The following FAM217B variants were observed in gnomAD, a reference collection of about 807,000 sequenced individuals.
The protein encoded by FAM217B is protein FAM217B.
For missense variants in FAM217B, 463 were observed against 456.9 expected (o/e 1.01, Z -0.12); for synonymous variants, 163 against 173.0 (o/e 0.94, Z 0.45).
upstream of FAM217B, chr20:59,939,608 G>A (rs1325072708): frequency 1.3e-6 from 2 of 1,594,790 alleles, no homozygotes; most frequent in South Asian, 2.3e-5. Context: ...CCAAGCCCAG[G>A]GCGTCGGCGA....
rs2060930071 is a variant in FAM217B, at chr20:59,945,130, TA to T, written c.*36del. On this transcript the variant is annotated 3_prime_UTR_variant, in exon 4 of 4. Coordinates refer to ENST00000360816, the MANE Select transcript of FAM217B (RefSeq NM_022106.3). ...ATGCTGAATTGCCAAGACCTGCAGG[TA>T]CCTCAATGTTAGAGCGCTTCCAAAA... is the stretch of plus-strand genomic sequence containing the variant. 1 of 1,317,434 alleles carries T rather than the reference TA, an allele frequency of 7.6e-7. No individual in the cohort carries two copies. The highest frequency in any genetic ancestry group is 1.0e-6 in the Non-Finnish European group (1 of 962,510). 81.6% of individuals were successfully genotyped at this position (1,317,434 alleles called of 1,614,324 possible). A position where few individuals can be genotyped will look rare whatever the true frequency, so the allele number is the denominator to read the frequency against.
In FAM217B at chr20:59,947,565, T is replaced by C. The variant is rs2060944229; in HGVS notation, c.*2470T>C. 6.0e-6 allele frequency: 1 copy of C among 167,080 alleles called. No individual in the cohort carries two copies. Among genetic ancestry groups the C allele is most frequent in the Admixed American group, 6.5e-5 (1 of 15,290 alleles). The allele number at this position is 167,080 out of a possible 1,614,324, so 10.3% of individuals were successfully genotyped here. A position where few individuals can be genotyped will look rare whatever the true frequency, so the allele number is the denominator to read the frequency against. ...CGCCTCATAATATTTGTTCCCAGCT[T>C]TTTAAATTGAAGCTGGTTGCATAAT... On this transcript the variant is annotated 3_prime_UTR_variant, in exon 4 of 4. Coordinates refer to ENST00000360816, the MANE Select transcript of FAM217B (RefSeq NM_022106.3).
At chr20:59,938,933 G>T, upstream of FAM217B, 1 of 1,207,216 alleles carries the variant, frequency 8.3e-7, no homozygotes, top group Non-Finnish European at 1.1e-6. Flanking sequence ...GACTTGGAGG[G>T]TGGTGAAGAA....
At position 59,942,525 on chromosome 20, in the gene FAM217B, A is replaced by C. The variant is rs2060911253; in HGVS notation, c.-5+13A>C. 1 of 152,218 alleles carries C rather than the reference A, an allele frequency of 6.6e-6. No homozygotes were observed. Among genetic ancestry groups the C allele is most frequent in the Non-Finnish European group, 1.5e-5 (1 of 68,030 alleles). The allele number at this position is 152,218 out of a possible 1,614,324, so 9.4% of individuals were successfully genotyped here. On this transcript the variant is annotated intron_variant, in intron 3 of 3. Transcript: ENST00000360816. The stretch of plus-strand genomic sequence containing the variant: ...ATCAGAAAAGCAGGTAAATAGTTTT[A>C]GTATAATTGCTTTATCTTGCAAAAG...
chr20:59,935,947 T>G (rs1052025916), upstream of FAM217B, among the ~76,000 whole-genome samples: 16 of 152,172 alleles, frequency 1.1e-4, no homozygotes, highest in Non-Finnish European at 2.1e-4. Flanking sequence ...TGAATTACAG[T>G]TATGTATTGC....
chr20:59,943,817 C>G, intron 3 of FAM217B, 123 bp from the exon 4 acceptor site: 1 of 751,238 alleles, frequency 1.3e-6, no homozygotes, highest in Non-Finnish European at 2.1e-6. Flanking sequence ...CTGACATTTT[C>G]TAATGCCTAC....
intron 1 of FAM217B, among the ~76,000 whole-genome samples, chr20:59,935,308 TGTTA>T (rs572343290): frequency 3.4e-4 from 52 of 152,292 alleles, no homozygotes; most frequent in African/African-American, 1.1e-3. Context: ...TGAAGAAAAA[TGTTA>T]GTCTTTTTTA....
At chr20:59,937,886 G>A (rs2060871790), upstream of FAM217B, 1 of 152,280 alleles carries the variant, frequency 6.6e-6, no homozygotes, top group African/African-American at 2.4e-5. Flanking sequence ...CTATCTGAAG[G>A]CAGAAAGTAT....
At chr20:59,936,904 G>A (rs564363978), upstream of FAM217B, 1 of 152,432 alleles carries the variant, frequency 6.6e-6, no homozygotes. Flanking sequence ...AATATGTTTG[G>A]GGGGACAACC....
In FAM217B at chr20:59,944,544, G is replaced by C. The variant is rs1569008740; in HGVS notation, c.601G>C (p.Ala201Pro). ...LQVQTVQCEK[A>P]KGGKARPPTA... is the part of the protein sequence containing the mutation. The stretch of plus-strand genomic sequence containing the variant: ...AGTCCAGACTGTACAGTGTGAAAAA[G>C]CAAAGGGGGGCAAAGCAAGGCCCCC... The change falls in exon 4 of 4, where the codon GCA (alanine) becomes CCA (proline). Residue 201 changes from alanine (A) to proline (P), a missense_variant. Transcript: ENST00000360816. 6.2e-7 allele frequency: 1 copy of C among 1,613,996 alleles called. No individual in the cohort carries two copies. The highest frequency in any genetic ancestry group is 1.7e-5 in the Admixed American group (1 of 59,998).
At chr20:59,939,054 T>C, upstream of FAM217B, 1 of 1,549,176 alleles carries the variant, frequency 6.5e-7, no homozygotes. Flanking sequence ...GATCCAGCTC[T>C]CTTCGCACTC....
chr20:59,939,838 C>G, upstream of FAM217B: 2 of 1,239,220 alleles, frequency 1.6e-6, no homozygotes, highest in Non-Finnish European at 2.0e-6. Context: ...GCCACGCCGC[C>G]GTCCAGGTCC....
chr20:59,937,733 ACT>A (rs1404497116), upstream of FAM217B: 2 of 151,608 alleles, frequency 1.3e-5, no homozygotes, highest in Non-Finnish European at 2.9e-5. Context: ...CACCAAAAGA[ACT>A]CCTCAGCCTG....
At chr20:59,940,815 A>G (rs1199673241) in intron 1 of FAM217B, among the ~76,000 whole-genome samples, 1 of 152,168 alleles carries the variant, frequency 6.6e-6, no homozygotes, top group African/African-American at 2.4e-5. Context: ...CGTCATGTCC[A>G]CATCACCCAG....
At chr20:59,938,845 C>T (rs184223920), upstream of FAM217B, 1,389 of 494,036 alleles carry the variant, frequency 2.8e-3, 23 homozygotes, top group African/African-American at 0.025. Flanking sequence ...CTTTTTAGAC[C>T]AAGTGACTCA....
chr20:59,944,178 T>G lies in FAM217B; in HGVS notation c.235T>G (p.Phe79Val). ...GASGNKLFLD[F>V]QSMKIIKENA... ...CTCAGGGAATAAACTGTTTCTTGAT[T>G]TTCAGTCAATGAAAATTATTAAAGA... is the stretch of plus-strand genomic sequence containing the variant. The change falls in exon 4 of 4, where the codon TTT (phenylalanine) becomes GTT (valine). Residue 79 changes from phenylalanine (F) to valine (V), a missense_variant. Phe to Val is a conservative substitution (Grantham distance 50). Coordinates refer to ENST00000360816, the MANE Select transcript of FAM217B (RefSeq NM_022106.3). 6.2e-7 allele frequency: 1 copy of G among 1,614,124 alleles called. No homozygotes were observed. Among genetic ancestry groups the G allele is most frequent in the African/African-American group, 1.3e-5 (1 of 75,008 alleles).
Position 59,944,561 on chromosome 20 carries a change from A to G in FAM217B, c.618A>G (p.Ala206=), listed in dbSNP as rs778868323. Residue 206 remains alanine, a synonymous_variant, in exon 4 of 4, where the codon GCA becomes GCG. Transcript: ENST00000360816. The stretch of plus-strand genomic sequence containing the variant: ...GTGAAAAAGCAAAGGGGGGCAAAGC[A>G]AGGCCCCCCACTGCCCCTGGGACCT... ...VQCEKAKGGK[A]RPPTAPGTSG... The G allele has an allele frequency of 6.2e-7, 1 of 1,614,036 alleles. No homozygotes were observed. The highest frequency in any genetic ancestry group is 8.5e-7 in the Non-Finnish European group (1 of 1,180,010).
rs767505053 is a variant in FAM217B, at chr20:59,944,945, C to T, written c.1002C>T (p.Asp334=). ...CCAAACAGGCAGCTGTGATTCTGGA[C>T]TCAGCAGATTCCTGTAAGGCCTCCA... ...RVPKQAAVIL[D]SADSCKASKT... The change falls in exon 4 of 4, where the codon GAC becomes GAT. Residue 334 remains aspartate (D), a synonymous_variant. Coordinates refer to ENST00000360816, the MANE Select transcript of FAM217B (RefSeq NM_022106.3). 6.2e-7 allele frequency: 1 copy of T among 1,614,198 alleles called. No homozygotes were observed. The highest frequency in any genetic ancestry group is 8.5e-7 in the Non-Finnish European group (1 of 1,180,044).
chr20:59,936,703 G>A (rs865966657), upstream of FAM217B: 12 of 152,308 alleles, frequency 7.9e-5, no homozygotes, highest in Middle Eastern at 6.8e-3. Context: ...AAGGCTCTAC[G>A]TTTATCAGTG....
Sources: allele counts gnomAD v4.1 joint callset (sites outside exome capture counted in the v4.1 genomes callset), GRCh38; gene constraint gnomAD v4.1.1; transcripts MANE v1.5; gene names NCBI Gene and HGNC (gene_info 2026-07-23, HGNC 2026-07-21).